The following DSCAM variants were observed in gnomAD, a reference collection of about 807,000 sequenced individuals.
The protein encoded by DSCAM is cell adhesion molecule DSCAM.
A neutral mutation model predicts 217.7 loss-of-function variants in DSCAM; 47 were observed. The ratio of observed to expected loss-of-function variants is 0.22; its 90% CI spans 0.17 to 0.28. The LOEUF is 0.28. Among genes scored for constraint, DSCAM ranks in the 10% least tolerant of loss-of-function variants. The probability of loss-of-function intolerance (pLI) is 1.00; values close to 1 mark genes in which losing one functional copy is unlikely to be tolerated. For missense variants in DSCAM, 2,080 were observed against 2,618.3 expected, an observed-to-expected ratio of 0.79 and a Z score of 4.49; for synonymous variants, 1,056 against 1,015.3, an observed-to-expected ratio of 1.04 and a Z score of -0.76.
At position 40,196,354 on chromosome 21, in the gene DSCAM, G is replaced by C. The variant is rs187650552; in HGVS notation, c.2357-7116C>G. The stretch of plus-strand genomic sequence containing the variant: ...TCATAGAGGAGCTGAATGGGATCAC[G>C]GGCTCTCAACCTGGCCTGTATCTCG... On this transcript the variant is annotated intron_variant, in intron 11 of 32. Coordinates refer to ENST00000400454, the MANE Select transcript of DSCAM (RefSeq NM_001389.5). 2.7e-3 allele frequency among the ~76,000 whole-genome samples: 415 copies of C among 152,234 alleles called. 1 individual carries two copies. Among genetic ancestry groups the C allele is most frequent in the African/African-American group, 8.5e-3 (351 of 41,534 alleles).
chr21:40,033,292 C>A (rs1007750612), intron 32 of DSCAM, among the ~76,000 whole-genome samples: 2 of 152,100 alleles, frequency 1.3e-5, no homozygotes, highest in African/African-American at 4.8e-5. Flanking sequence ...GAGTGCCAGA[C>A]AGTGGGCGCA....
chr21:40,250,775 G>GTT (rs1341251866), intron 11 of DSCAM, among the ~76,000 whole-genome samples: 1 of 152,196 alleles, frequency 6.6e-6, no homozygotes, highest in Non-Finnish European at 1.5e-5. Flanking sequence ...ACATGTTCAT[G>GTT]TTCATGGAGG....
rs1201000597 is a variant in DSCAM at position 40,085,741 on chromosome 21, C to T, written c.3993G>A (p.Thr1331=). ...KDSNGTPSLV[T]IDGRRSIFSN... ...TAAAGATGCTCCTCCGCCCATCAATCGTTACTAGACTGGGTGTCCCGTTAC... is the reference window on the plus strand; with the variant it reads ...TAAAGATGCTCCTCCGCCCATCAATTGTTACTAGACTGGGTGTCCCGTTAC... Residue 1331 remains threonine (T), a synonymous_variant, in exon 23 of 33, where the codon ACG becomes ACA. Coordinates refer to ENST00000400454, the MANE Select transcript of DSCAM (RefSeq NM_001389.5). 10 of 1,541,292 alleles carry T rather than the reference C, an allele frequency of 6.5e-6. No homozygotes were observed. Among genetic ancestry groups the T allele is most frequent in the South Asian group, 4.9e-5 (4 of 81,476 alleles).
intron 1 of DSCAM, among the ~76,000 whole-genome samples, chr21:40,817,624 C>T (rs2091891117): frequency 6.6e-6 from 1 of 152,196 alleles, no homozygotes; most frequent in Non-Finnish European, 1.5e-5. Context: ...ATTAGGCCTG[C>T]TCCCCGCCAC....
chr21:40,210,214 C>G (rs147349180), intron 11 of DSCAM, among the ~76,000 whole-genome samples: 3,119 of 152,276 alleles, frequency 0.02, 50 homozygotes, highest in African/African-American at 0.045. Flanking sequence ...ATTCCACCTT[C>G]CAGGTTAAAC....
rs956178409 is a variant in DSCAM at position 40,749,802 on chromosome 21, G to C, written c.44-41031C>G. On this transcript the variant is annotated intron_variant, in intron 1 of 32. Transcript: ENST00000400454. ...GTTTACTCCAGCGCTGTTCACAGAAGCTGAGAGATGGAACTGACTTAAATG... is the reference window on the plus strand; with the variant it reads ...GTTTACTCCAGCGCTGTTCACAGAACCTGAGAGATGGAACTGACTTAAATG... Among the ~76,000 whole-genome samples, 4 of 152,310 alleles carry C rather than the reference G, an allele frequency of 2.6e-5. No homozygotes were observed. The East Asian group carries it at 5.8e-4, about 22-fold the overall frequency.
chr21:40,460,045 C>T (rs1196232396), intron 3 of DSCAM, among the ~76,000 whole-genome samples: 1 of 152,108 alleles, frequency 6.6e-6, no homozygotes, highest in Non-Finnish European at 1.5e-5. Context: ...CCAAACACCG[C>T]ATTTTCTCAC....
chr21:40,492,405 G>A (rs571446028), intron 3 of DSCAM, among the ~76,000 whole-genome samples: 3 of 152,162 alleles, frequency 2.0e-5, no homozygotes, highest in Non-Finnish European at 4.4e-5. Context: ...AAAGGAACTA[G>A]AAATTTATGA....
At chr21:40,188,308 G>A (rs764413625) in intron 12 of DSCAM, among the ~76,000 whole-genome samples, 2 of 152,214 alleles carry the variant, frequency 1.3e-5, no homozygotes, top group Non-Finnish European at 2.9e-5. Context: ...GTCGTGGTCA[G>A]CTTGACATAT....
At chr21:40,773,159 C>T (rs958057499) in intron 1 of DSCAM, among the ~76,000 whole-genome samples, 1 of 152,234 alleles carries the variant, frequency 6.6e-6, no homozygotes, top group Non-Finnish European at 1.5e-5. Context: ...ATCAGTCCCT[C>T]GCACGAGAAC....
chr21:40,751,136 T>C (rs1299429862), intron 1 of DSCAM, among the ~76,000 whole-genome samples: 1 of 152,156 alleles, frequency 6.6e-6, no homozygotes, highest in Non-Finnish European at 1.5e-5. Context: ...TTGCTCTGCC[T>C]GAAAAGCCCT....
chr21:40,525,819 C>G (rs2076395827), intron 3 of DSCAM, among the ~76,000 whole-genome samples: 1 of 152,200 alleles, frequency 6.6e-6, no homozygotes, highest in South Asian at 2.1e-4. Flanking sequence ...AAGAGGGCTC[C>G]TACTGAAAAC....
rs765128416 is a variant in DSCAM at position 40,187,966 on chromosome 21, C to G, written c.2575G>C (p.Asp859His). The G allele has an allele frequency of 6.2e-7, 1 of 1,613,916 alleles. No individual in the cohort carries two copies. The highest frequency in any genetic ancestry group is 8.5e-7 in the Non-Finnish European group (1 of 1,179,958). ...GCATGGCAGGAAAAGAAACCAGAAT[C>G]TTCTCTCACAGTTGGCAAAATCTAT... ...TLQILPTVRE[D>H]SGFFSCHAIN... The change falls in exon 13 of 33, where the codon GAT (aspartate) becomes CAT (histidine). Residue 859 changes from aspartate to histidine, a missense_variant. Asp to His is a moderately conservative substitution (Grantham distance 81). Coordinates refer to ENST00000400454, the MANE Select transcript of DSCAM (RefSeq NM_001389.5).
intron 3 of DSCAM, among the ~76,000 whole-genome samples, chr21:40,409,113 G>T (rs984271754): frequency 6.6e-6 from 1 of 152,102 alleles, no homozygotes; most frequent in Non-Finnish European, 1.5e-5. Context: ...TTTCAAAACT[G>T]CTCCCAAATA....
intron 11 of DSCAM, among the ~76,000 whole-genome samples, chr21:40,232,880 TAA>T (rs2091394217): frequency 6.6e-6 from 1 of 152,140 alleles, no homozygotes; most frequent in South Asian, 2.1e-4. Context: ...TATTTATTTA[TAA>T]GTTATTAAGA....
chr21:40,481,920 C>G lies in DSCAM; in HGVS notation c.509-112675G>C, dbSNP rs1014182932. On this transcript the variant is annotated intron_variant, in intron 3 of 32. Transcript: ENST00000400454. ...ATGAAAGGCAGAGCTAGACCCGGAA[C>G]ACACGTGCACTGCTTATTGATCCAA... Among the ~76,000 whole-genome samples, 3 of 152,328 alleles carry G rather than the reference C, an allele frequency of 2.0e-5. No homozygotes were observed. In the East Asian group the frequency reaches 5.8e-4, roughly 29 times the overall value.
intron 3 of DSCAM, among the ~76,000 whole-genome samples, chr21:40,529,051 G>A (rs187645465): frequency 1.1e-4 from 17 of 151,728 alleles, no homozygotes; most frequent in African/African-American, 2.2e-4. Context: ...CTACAGGCGC[G>A]TGCCACCACC....
intron 16 of DSCAM, among the ~76,000 whole-genome samples, chr21:40,164,075 C>T (rs2090568344): frequency 6.6e-6 from 1 of 152,186 alleles, no homozygotes; most frequent in African/African-American, 2.4e-5. Flanking sequence ...AGCCTCTCTT[C>T]CTGCTGCCAA....
intron 3 of DSCAM, among the ~76,000 whole-genome samples, chr21:40,413,824 C>T (rs1171406662): frequency 1.3e-5 from 2 of 152,062 alleles, no homozygotes; most frequent in Non-Finnish European, 2.9e-5. Flanking sequence ...AATTGGTTTT[C>T]AACAAATGTG....
Sources: allele counts gnomAD v4.1 joint callset (sites outside exome capture counted in the v4.1 genomes callset), GRCh38; gene constraint gnomAD v4.1.1; transcripts MANE v1.5; gene names NCBI Gene and HGNC (gene_info 2026-07-23, HGNC 2026-07-21).